JAZF1: variants seen among roughly 807,000 people sequenced by gnomAD.
The protein encoded by JAZF1 is juxtaposed with another zinc finger protein 1.
A neutral mutation model predicts 26.4 loss-of-function variants in JAZF1; 8 were observed. The observed-to-expected ratio is 0.30, with a 90% CI of 0.18 to 0.55. The LOEUF (loss-of-function observed/expected upper bound fraction) is 0.55. Ranked by LOEUF, JAZF1 falls within the 20% of genes least tolerant of loss-of-function variation. The probability of loss-of-function intolerance (pLI) is 0.94; values close to 1 mark genes in which losing one functional copy is unlikely to be tolerated. For missense variants in JAZF1, 199 were observed against 322.0 expected, an observed-to-expected ratio of 0.62 and a Z score of 2.92; for synonymous variants, 126 against 122.3, an observed-to-expected ratio of 1.03 and a Z score of -0.20.
chr7:27,988,844 A>G (rs1404875846), intron 2 of JAZF1, among the ~76,000 whole-genome samples: 1 of 150,834 alleles, frequency 6.6e-6, no homozygotes, highest in African/African-American at 2.4e-5. Context: ...CAACAGAAAA[A>G]TGTCAGTAGT....
chr7:27,973,116 G>A (rs1785409002), intron 2 of JAZF1, among the ~76,000 whole-genome samples: 1 of 152,098 alleles, frequency 6.6e-6, no homozygotes, highest in South Asian at 2.1e-4. Context: ...GGGTGGGGCA[G>A]GGTGGGGTGT....
intron 2 of JAZF1, among the ~76,000 whole-genome samples, chr7:27,972,728 A>C (rs1197468613): frequency 3.3e-5 from 5 of 152,136 alleles, no homozygotes; most frequent in Admixed American, 1.3e-4. Context: ...AAATCATTAT[A>C]TATCCGTATC....
chr7:27,842,084 A>G (rs1764325161), intron 3 of JAZF1: 1 of 152,148 alleles, frequency 6.6e-6, no homozygotes, highest in African/African-American at 2.4e-5. Flanking sequence ...AGGCATTAAT[A>G]AGATTGTTTG....
intron 1 of JAZF1, among the ~76,000 whole-genome samples, chr7:28,031,872 C>A (rs1480117178): frequency 2.0e-5 from 3 of 152,052 alleles, no homozygotes; most frequent in Non-Finnish European, 4.4e-5. Context: ...TGCATATGTA[C>A]CCCAGAACTT....
chr7:28,094,246 T>C (rs148969936), intron 1 of JAZF1, among the ~76,000 whole-genome samples: 10 of 152,340 alleles, frequency 6.6e-5, no homozygotes, highest in African/African-American at 2.4e-4. Context: ...AAGTAAATCG[T>C]TGTCTGCCTC....
chr7:27,876,411 G>A (rs1291592534), intron 3 of JAZF1, among the ~76,000 whole-genome samples: 2 of 152,070 alleles, frequency 1.3e-5, no homozygotes, highest in African/African-American at 2.4e-5. Flanking sequence ...ATAGGACCTC[G>A]AGGGGCATAC....
intron 3 of JAZF1, among the ~76,000 whole-genome samples, chr7:27,893,361 T>C (rs1398433265): frequency 6.6e-6 from 1 of 152,192 alleles, no homozygotes; most frequent in African/African-American, 2.4e-5. Context: ...GAGATGATGG[T>C]GTGGTTACAA....
At chr7:27,843,510 A>C (rs1166753024) in intron 3 of JAZF1, 2 of 152,286 alleles carry the variant, frequency 1.3e-5, no homozygotes, top group East Asian at 3.8e-4. Flanking sequence ...CATATTACAT[A>C]TTCCATATAA....
Position 28,180,740 on chromosome 7 carries a change from A to G in JAZF1, c.-163T>C. 1 of 392,970 alleles carries G rather than the reference A, an allele frequency of 2.5e-6. No individual in the cohort carries two copies. Among genetic ancestry groups the G allele is most frequent in the Non-Finnish European group, 4.6e-6 (1 of 218,268 alleles). 24.3% of individuals were successfully genotyped at this position (392,970 alleles called of 1,614,324 possible). ...GGGACGGAGGGAGAGGGGGCGAGAGAGATGGAAGGAGAGCGAGGAGCCACC... is the reference window on the plus strand; with the variant it reads ...GGGACGGAGGGAGAGGGGGCGAGAGGGATGGAAGGAGAGCGAGGAGCCACC... On this transcript the variant is annotated 5_prime_UTR_variant, in exon 1 of 5. Coordinates refer to ENST00000283928, the MANE Select transcript of JAZF1 (RefSeq NM_175061.4).
intron 1 of JAZF1, among the ~76,000 whole-genome samples, chr7:28,160,957 C>T (rs1783275316): frequency 2.0e-5 from 3 of 152,020 alleles, no homozygotes. Context: ...TGAAAGAAAC[C>T]TCAGAAATCA....
chr7:27,908,225 G>A (rs543246510), intron 2 of JAZF1, among the ~76,000 whole-genome samples: 74 of 152,350 alleles, frequency 4.9e-4, no homozygotes, highest in African/African-American at 1.7e-3. Context: ...TGGTGTATAT[G>A]AGACTTGTTT....
chr7:27,877,218 T>G (rs181474325), intron 3 of JAZF1, among the ~76,000 whole-genome samples: 1 of 152,218 alleles, frequency 6.6e-6, no homozygotes, highest in Admixed American at 6.5e-5. Flanking sequence ...GAGGTAATGG[T>G]GGAGAACAAA....
chr7:27,987,100 C>T (rs527895712), intron 2 of JAZF1, among the ~76,000 whole-genome samples: 13 of 152,172 alleles, frequency 8.5e-5, no homozygotes, highest in African/African-American at 2.6e-4. Flanking sequence ...TGAGGAGCGT[C>T]TCTGCCTGGC....
intron 1 of JAZF1, among the ~76,000 whole-genome samples, chr7:28,172,620 G>T (rs745558758): frequency 6.6e-6 from 1 of 152,070 alleles, no homozygotes; most frequent in Non-Finnish European, 1.5e-5. Context: ...AATCCTCCAC[G>T]TAGAATTTTA....
intron 1 of JAZF1, among the ~76,000 whole-genome samples, chr7:28,023,889 A>G (rs1333563167): frequency 6.6e-6 from 1 of 152,206 alleles, no homozygotes; most frequent in Non-Finnish European, 1.5e-5. Flanking sequence ...GCACCTAGAA[A>G]AAACACTATA....
rs894829897 is a variant in JAZF1 at position 28,180,683 on chromosome 7, G to A, written c.-106C>T. The stretch of plus-strand genomic sequence containing the variant: ...AGGAGAGGAGGGGCTGGGGGAGGGG[G>A]AGAGAGGCGGGGTGAGGGGAGCGGC... On this transcript the variant is annotated 5_prime_UTR_variant, in exon 1 of 5. Transcript: ENST00000283928. The A allele has an allele frequency of 4.0e-6, 2 of 494,920 alleles. No homozygotes were observed. Among genetic ancestry groups the A allele is most frequent in the African/African-American group, 4.0e-5 (2 of 49,874 alleles). 30.7% of individuals were successfully genotyped at this position (494,920 alleles called of 1,614,324 possible). A position where few individuals can be genotyped will look rare whatever the true frequency, so the allele number is the denominator to read the frequency against.
intron 1 of JAZF1, among the ~76,000 whole-genome samples, chr7:28,102,250 C>A (rs1341000640): frequency 6.6e-6 from 1 of 152,216 alleles, no homozygotes; most frequent in Non-Finnish European, 1.5e-5. Flanking sequence ...TAACCACAAG[C>A]AAATGTCTTT....
rs143697346 is a variant in JAZF1, at chr7:27,832,847, A to G, written c.685T>C (p.Phe229Leu). 1,602 of 1,609,902 alleles carry G rather than the reference A, an allele frequency of 1.0e-3. 3 individuals are homozygous for G. The highest frequency in any genetic ancestry group is 1.3e-3 in the Non-Finnish European group (1,482 of 1,177,822). The change falls in exon 5 of 5, where the codon TTC (phenylalanine) becomes CTC (leucine). Residue 229 changes from phenylalanine to leucine, a missense_variant. Around this residue, in one of 2 missense-constraint regions of JAZF1, gnomAD observed 62 missense variants for 137.2 expected, o/e 0.45. Coordinates refer to ENST00000283928, the MANE Select transcript of JAZF1 (RefSeq NM_175061.4). Reference sequence around the variant, plus strand: ...ATCTCAGCCGACACCGGGGGATGGAAATTGATTGTGTGGTGCCGCAGGCCC... The same window carrying G: ...ATCTCAGCCGACACCGGGGGATGGAGATTGATTGTGTGGTGCCGCAGGCCC... ...AQGLRHHTIN[F>L]HPPVSAEIIR...
intron 1 of JAZF1, among the ~76,000 whole-genome samples, chr7:28,032,036 T>C (rs1583519643): frequency 1.3e-5 from 2 of 152,334 alleles, no homozygotes; most frequent in South Asian, 4.1e-4. Flanking sequence ...CAAGACACTT[T>C]GGAGTGTCTC....
Sources: allele counts gnomAD v4.1 joint callset (sites outside exome capture counted in the v4.1 genomes callset), GRCh38; gene constraint gnomAD v4.1.1; regional missense constraint gnomAD v4.1.1; transcripts MANE v1.5; gene names NCBI Gene and HGNC (gene_info 2026-07-23, HGNC 2026-07-21).